Variants in ITPK1 observed in about 807,000 individuals in gnomAD.
ITPK1 encodes the protein inositol 1,3,4-trisphosphate 5/6-kinase.
In ITPK1, 21 loss-of-function variants were observed where a neutral mutation model predicts 45.3. The observed-to-expected ratio is 0.46, with a 90% CI of 0.33 to 0.67. ITPK1 has a LOEUF of 0.67. ITPK1 is among the 30% of genes least tolerant of loss of function. ITPK1 has a pLI of 0.02. For synonymous variants in ITPK1, 258 were observed against 253.6 expected (o/e 1.02, Z -0.16); for missense variants, 474 against 573.5 (o/e 0.83, Z 1.77).
chr14:93,056,624 G>A (rs1428496191), intron 3 of ITPK1, among the ~76,000 whole-genome samples: 1 of 152,180 alleles, frequency 6.6e-6, no homozygotes, highest in African/African-American at 2.4e-5. Flanking sequence ...CTGGGTCTCA[G>A]TGCAGCAGCC....
chr14:93,104,883 C>T (rs1404656184), intron 2 of ITPK1, among the ~76,000 whole-genome samples: 1 of 152,094 alleles, frequency 6.6e-6, no homozygotes, highest in Non-Finnish European at 1.5e-5. Flanking sequence ...TGACCCCAGG[C>T]TAATAAGAAT....
intron 2 of ITPK1, among the ~76,000 whole-genome samples, chr14:93,078,392 G>A (rs1891312850): frequency 1.3e-5 from 2 of 152,232 alleles, no homozygotes; most frequent in Non-Finnish European, 2.9e-5. Context: ...CCATGAGACA[G>A]GAAGACAGAG....
intron 10 of ITPK1, among the ~76,000 whole-genome samples, chr14:92,944,278 C>T (rs1266104737): frequency 6.6e-6 from 1 of 152,098 alleles, no homozygotes; most frequent in Non-Finnish European, 1.5e-5. Flanking sequence ...TATGGTAAGG[C>T]GGACACACTG....
intron 9 of ITPK1, among the ~76,000 whole-genome samples, chr14:92,950,333 G>A (rs1034480347): frequency 1.8e-4 from 28 of 152,246 alleles, no homozygotes; most frequent in African/African-American, 5.3e-4. Context: ...AGCAGCAAGC[G>A]TGTTTCCGCA....
At chr14:93,064,796 C>A (rs887854656) in intron 3 of ITPK1, among the ~76,000 whole-genome samples, 4 of 152,198 alleles carry the variant, frequency 2.6e-5, no homozygotes, top group East Asian at 1.9e-4. Context: ...TGCAGAACAT[C>A]AGAGAACTTG....
chr14:93,021,567 T>C (rs1888462341), intron 3 of ITPK1, among the ~76,000 whole-genome samples: 1 of 148,278 alleles, frequency 6.7e-6, no homozygotes, highest in Admixed American at 7.0e-5. Flanking sequence ...CACTCCAGCT[T>C]GGGCGACAGA....
intron 5 of ITPK1, among the ~76,000 whole-genome samples, chr14:92,992,325 T>C (rs1886827842): frequency 6.6e-6 from 1 of 152,204 alleles, no homozygotes; most frequent in Admixed American, 6.5e-5. Flanking sequence ...CATGGCAGAC[T>C]GAGATGAAGG....
rs1375595036 is a variant in ITPK1 at position 92,941,216 on chromosome 14, A to G, written c.*345T>C. Reference sequence around the variant, plus strand: ...GTCCACAGTGGCCATGGAGACCAACAGACAGGGATGTGCACAGACACTGGC... The same window carrying G: ...GTCCACAGTGGCCATGGAGACCAACGGACAGGGATGTGCACAGACACTGGC... On this transcript the variant is annotated 3_prime_UTR_variant, in exon 11 of 11. Coordinates refer to ENST00000267615, the MANE Select transcript of ITPK1 (RefSeq NM_014216.6). 2 of 1,290,736 alleles carry G rather than the reference A, an allele frequency of 1.5e-6. No individual in the cohort carries two copies. Among genetic ancestry groups the G allele is most frequent in the African/African-American group, 3.0e-5 (2 of 65,980 alleles). 80.0% of individuals were successfully genotyped at this position (1,290,736 alleles called of 1,614,324 possible). A position where few individuals can be genotyped will look rare whatever the true frequency, so the allele number is the denominator to read the frequency against.
At chr14:92,976,932 G>C (rs1374729991) in intron 5 of ITPK1, among the ~76,000 whole-genome samples, 1 of 152,174 alleles carries the variant, frequency 6.6e-6, no homozygotes, top group Non-Finnish European at 1.5e-5. Flanking sequence ...CCCACTTCAG[G>C]GACCAGGAAA....
At chr14:92,975,974 G>A (rs931154687) in intron 5 of ITPK1, among the ~76,000 whole-genome samples, 6 of 152,304 alleles carry the variant, frequency 3.9e-5, no homozygotes, top group African/African-American at 1.2e-4. Context: ...ATGCTCCCCT[G>A]CTTCATTCTG....
At chr14:93,027,015 A>T (rs540019582) in intron 3 of ITPK1, among the ~76,000 whole-genome samples, 1 of 152,334 alleles carries the variant, frequency 6.6e-6, no homozygotes, top group South Asian at 2.1e-4. Context: ...CTTTTTTATA[A>T]CAGTGAGAAA....
intron 3 of ITPK1, among the ~76,000 whole-genome samples, chr14:93,040,061 C>T (rs1456032513): frequency 6.6e-6 from 1 of 152,240 alleles, no homozygotes; most frequent in Non-Finnish European, 1.5e-5. Context: ...GGGAAGAACG[C>T]CCAGTGCCAC....
intron 3 of ITPK1, among the ~76,000 whole-genome samples, chr14:93,041,245 C>G (rs567440478): frequency 6.6e-6 from 1 of 152,354 alleles, no homozygotes. Context: ...AGGATCTGAA[C>G]CTCCCTCCAG....
intron 5 of ITPK1, among the ~76,000 whole-genome samples, chr14:92,981,509 C>T (rs1043640186): frequency 6.6e-6 from 1 of 152,228 alleles, no homozygotes; most frequent in Non-Finnish European, 1.5e-5. Flanking sequence ...CCACCCCTTC[C>T]TGTGGCCCCG....
chr14:92,980,939 C>A (rs377290197), intron 5 of ITPK1, among the ~76,000 whole-genome samples: 2 of 152,198 alleles, frequency 1.3e-5, no homozygotes, highest in African/African-American at 2.4e-5. Flanking sequence ...AGCTCTTGAC[C>A]TCAGGTGATC....
At chr14:93,069,958 C>T (rs757215609) in intron 3 of ITPK1, 1 of 152,240 alleles carries the variant, frequency 6.6e-6, no homozygotes, top group Non-Finnish European at 1.5e-5. Flanking sequence ...TCCTTGCCTG[C>T]TTGAGAAACA....
chr14:93,016,569 T>C lies in ITPK1; in HGVS notation c.246+107A>G. 1 of 1,279,866 alleles carries C rather than the reference T, an allele frequency of 7.8e-7. No individual in the cohort carries two copies. The highest frequency in any genetic ancestry group is 1.1e-6 in the Non-Finnish European group (1 of 912,122). 79.3% of individuals were successfully genotyped at this position (1,279,866 alleles called of 1,614,324 possible). On this transcript the variant is annotated intron_variant, in intron 4 of 10. Coordinates refer to ENST00000267615, the MANE Select transcript of ITPK1 (RefSeq NM_014216.6). The surrounding 1 kb of genome is among the most constrained non-coding windows in gnomAD (Gnocchi z 5.0). The stretch of plus-strand genomic sequence containing the variant: ...GTGGCAGAGCCATTTCTCCAGACTA[T>C]ACCTCCAGAGAGCTGCTACCGCCCT...
intron 3 of ITPK1, among the ~76,000 whole-genome samples, chr14:93,046,613 G>T (rs1260887663): frequency 6.7e-6 from 1 of 148,666 alleles, no homozygotes; most frequent in Non-Finnish European, 1.5e-5. Flanking sequence ...GCGGCGGGGG[G>T]AACACAAGCA....
At chr14:93,112,761 C>A (rs1230545799) in intron 2 of ITPK1, among the ~76,000 whole-genome samples, 3 of 152,152 alleles carry the variant, frequency 2.0e-5, no homozygotes, top group African/African-American at 7.2e-5. Flanking sequence ...TTTTCAAATA[C>A]CTTTAGACTT....
Sources: allele counts gnomAD v4.1 joint callset (sites outside exome capture counted in the v4.1 genomes callset), GRCh38; gene constraint gnomAD v4.1.1; non-coding constraint Gnocchi (gnomAD v3.1); transcripts MANE v1.5; gene names NCBI Gene and HGNC (gene_info 2026-07-23, HGNC 2026-07-21).